Variants in CACNA1B observed in about 807,000 individuals in gnomAD.
CACNA1B encodes calcium voltage-gated channel subunit alpha1 B.
A neutral mutation model predicts 247.2 loss-of-function variants in CACNA1B; 70 were observed. The ratio of observed to expected loss-of-function variants is 0.28; its 90% CI spans 0.23 to 0.35. CACNA1B has a LOEUF of 0.35. Among genes scored for constraint, CACNA1B ranks in the 10% least tolerant of loss-of-function variants. The probability of loss-of-function intolerance (pLI) is 1.00; values close to 1 mark genes in which losing one functional copy is unlikely to be tolerated. For missense variants in CACNA1B, 2,367 were observed against 3,197.4 expected, an observed-to-expected ratio of 0.74 and a Z score of 6.26; for synonymous variants, 1,231 against 1,294.4, an observed-to-expected ratio of 0.95 and a Z score of 1.05.
intron 3 of CACNA1B, among the ~76,000 whole-genome samples, chr9:137,893,650 CAA>C (rs530059391): frequency 1.1e-5 from 1 of 91,714 alleles, no homozygotes. Flanking sequence ...GACTCTGTCT[CAA>C]AAAAAAAAAA....
intron 36 of CACNA1B, among the ~76,000 whole-genome samples, chr9:138,086,892 T>C (rs1960710782): frequency 6.6e-6 from 1 of 151,330 alleles, no homozygotes; most frequent in Admixed American, 6.6e-5. Context: ...TGGAAGATAA[T>C]CTAGGAGAGA....
In CACNA1B at chr9:137,929,676, A is replaced by G. The variant is rs187496749; in HGVS notation, c.966+12245A>G. Among the ~76,000 whole-genome samples the G allele has an allele frequency of 5.7e-3, 872 of 152,218 alleles. 13 individuals are homozygous for G. Among genetic ancestry groups the G allele is most frequent in the Non-Finnish European group, 5.0e-3 (337 of 67,986 alleles). On this transcript the variant is annotated intron_variant, in intron 6 of 46. Transcript: ENST00000371372. ...AGTGACTTATTTTTATTTTTGGGAC[A>G]GGGTCTTACTGTGTCACTCAGGCTG...
intron 15 of CACNA1B, among the ~76,000 whole-genome samples, chr9:137,995,930 C>T (rs1274358371): frequency 6.6e-6 from 1 of 152,214 alleles, no homozygotes; most frequent in Non-Finnish European, 1.5e-5. Context: ...ACATCACTGT[C>T]AGGGGAATGC....
At chr9:138,009,840 A>T (rs1273692555) in intron 16 of CACNA1B, among the ~76,000 whole-genome samples, 170 bp from the exon 17 acceptor site, 1 of 151,882 alleles carries the variant, frequency 6.6e-6, no homozygotes, top group East Asian at 1.9e-4. Flanking sequence ...AGGGGGCTGG[A>T]GGGCCTAGTG....
intron 6 of CACNA1B, among the ~76,000 whole-genome samples, chr9:137,921,942 G>GCGATCA (rs1957488349): frequency 1.4e-5 from 2 of 139,070 alleles, no homozygotes; most frequent in African/African-American, 5.5e-5. Flanking sequence ...CACCACGACC[G>GCGATCA]CACAGCATCC....
chr9:137,910,609 G>A (rs1414853719), intron 3 of CACNA1B, among the ~76,000 whole-genome samples: 1 of 152,202 alleles, frequency 6.6e-6, no homozygotes. Context: ...CCCATCTGGG[G>A]GTGATGGGTC....
At position 137,917,797 on chromosome 9, in the gene CACNA1B, T is replaced by C. The variant is rs1185915442; in HGVS notation, c.966+366T>C. ...GCTCTGGGTTAGGCCCTCTGGGAAG[T>C]GTTTTATTCCTGTTGACTCCTCTCA... On this transcript the variant is annotated intron_variant, in intron 6 of 46. Transcript: ENST00000371372. The surrounding 1 kb of genome is among the most constrained non-coding windows in gnomAD (Gnocchi z 5.5). Among the ~76,000 whole-genome samples the C allele has an allele frequency of 6.6e-6, 1 of 152,242 alleles. No individual in the cohort carries two copies. The highest frequency in any genetic ancestry group is 1.5e-5 in the Non-Finnish European group (1 of 68,042).
chr9:138,097,908 C>T (rs1006071458), intron 37 of CACNA1B, among the ~76,000 whole-genome samples: 4 of 152,220 alleles, frequency 2.6e-5, no homozygotes, highest in African/African-American at 9.6e-5. Flanking sequence ...CTCCTTTCCA[C>T]TCAGCCTCCC....
intron 20 of CACNA1B, among the ~76,000 whole-genome samples, chr9:138,027,051 A>G (rs1439220370): frequency 1.3e-5 from 2 of 152,216 alleles, no homozygotes; most frequent in African/African-American, 4.8e-5. Context: ...CTTATTTGCC[A>G]TGTGTATAAT....
At chr9:137,926,853 CTGT>C (rs1417867439) in intron 6 of CACNA1B, among the ~76,000 whole-genome samples, 3 of 152,188 alleles carry the variant, frequency 2.0e-5, no homozygotes, top group African/African-American at 7.2e-5. Context: ...GAAGAAATGT[CTGT>C]TGGAGTTCCT....
Position 138,025,016 on chromosome 9 carries a change from C to T in CACNA1B, c.3130C>T (p.Pro1044Ser). ...GACTGTGGGTCCCATGCACACACTG[C>T]CCAGCACCTGTCTCCAGAAGGTGGA... The part of the protein sequence containing the change: ...TVTVGPMHTL[P>S]STCLQKVEEQ... The change falls in exon 20 of 47, where the codon CCC becomes TCC. Residue 1044 changes from proline (P) to serine (S), a missense_variant. Around this residue, in one of 12 missense-constraint regions of CACNA1B, gnomAD observed 631 missense variants for 631.1 expected, o/e 1.00. Transcript: ENST00000371372. 1 of 1,602,054 alleles carries T rather than the reference C, an allele frequency of 6.2e-7. No individual in the cohort carries two copies. The highest frequency in any genetic ancestry group is 1.1e-5 in the South Asian group (1 of 88,626).
chr9:137,953,560 G>A (rs1209796466), intron 7 of CACNA1B, among the ~76,000 whole-genome samples: 4 of 152,172 alleles, frequency 2.6e-5, no homozygotes, highest in Non-Finnish European at 5.9e-5. Context: ...ACCAGCAAGC[G>A]ACCGGCTCAC....
At chr9:138,099,355 A>G (rs1160822379) in intron 37 of CACNA1B, among the ~76,000 whole-genome samples, 1 of 151,902 alleles carries the variant, frequency 6.6e-6, no homozygotes, top group Non-Finnish European at 1.5e-5. Flanking sequence ...CTGTGTGTAT[A>G]TGTGTGCAAG....
Position 138,107,279 on chromosome 9 carries a change from C to T in CACNA1B, c.5428+1472C>T, listed in dbSNP as rs1589131980. ...ATTTATTTATTTATATAGGGTCTCA[C>T]TGTGTCACCCAGGCTGGAGTGCAGT... On this transcript the variant is annotated intron_variant, in intron 39 of 46. Coordinates refer to ENST00000371372, the MANE Select transcript of CACNA1B (RefSeq NM_000718.4). Among the ~76,000 whole-genome samples, 5 of 147,230 alleles carry T rather than the reference C, an allele frequency of 3.4e-5. 1 individual carries two copies. Among genetic ancestry groups the T allele is most frequent in the African/African-American group, 1.2e-4 (5 of 40,068 alleles).
At chr9:137,905,210 A>G (rs1564883273) in intron 3 of CACNA1B, among the ~76,000 whole-genome samples, 1 of 152,050 alleles carries the variant, frequency 6.6e-6, no homozygotes, top group Admixed American at 6.6e-5. Flanking sequence ...AAAATTAGCC[A>G]GGTGTGGTGG....
intron 41 of CACNA1B, among the ~76,000 whole-genome samples, 171 bp from the exon 42 acceptor site, chr9:138,115,381 T>A (rs1249220908): frequency 1.3e-5 from 2 of 152,210 alleles, no homozygotes; most frequent in Non-Finnish European, 2.9e-5. Context: ...CATGCTCATA[T>A]TTAGGGACAT....
intron 31 of CACNA1B, among the ~76,000 whole-genome samples, chr9:138,060,470 G>C (rs933767457): frequency 9.8e-5 from 15 of 152,350 alleles, no homozygotes; most frequent in Middle Eastern, 3.4e-3. Flanking sequence ...GCCAAGTCCT[G>C]GTGGGTCAGT....
In CACNA1B at chr9:137,971,520, G is replaced by T. The variant is rs371923901; in HGVS notation, c.1471G>T (p.Val491Leu). ...GAGCTTCTACTGGGTGGTGCTGTGC[G>T]TGGTGGCCCTGAACACACTGTGTGT... ...AQSFYWVVLC[V>L]VALNTLCVAM... is the part of the protein sequence containing the mutation. Residue 491 changes from valine (V) to leucine (L), a missense_variant, in exon 11 of 47, where the codon GTG becomes TTG. This residue lies in a region of CACNA1B where 219 missense variants were observed against 297.6 expected (regional missense o/e 0.74). Transcript: ENST00000371372. This position sits in a 1 kb window ranked among gnomAD's most constrained non-coding sequence, Gnocchi z 4.4. 1 of 1,613,812 alleles carries T rather than the reference G, an allele frequency of 6.2e-7. No homozygotes were observed. Among genetic ancestry groups the T allele is most frequent in the Non-Finnish European group, 8.5e-7 (1 of 1,179,820 alleles).
At chr9:137,878,270 C>T in intron 1 of CACNA1B, 53 bp downstream of exon 1, 1 of 755,532 alleles carries the variant, frequency 1.3e-6, no homozygotes, top group Non-Finnish European at 1.7e-6. Flanking sequence ...GGGTGGGGGC[C>T]GGGGCCGGGG....
Sources: gnomAD v4.1 joint callset for allele counts (sites outside exome capture counted in the v4.1 genomes callset) on GRCh38, gnomAD v4.1.1 for gene constraint, gnomAD v4.1.1 regional missense constraint, Gnocchi (gnomAD v3.1) non-coding constraint, MANE v1.5 for transcripts, NCBI Gene and HGNC (gene_info 2026-07-23, HGNC 2026-07-21) for gene names.